Variants in STK32B observed in about 807,000 individuals in gnomAD.
The protein encoded by STK32B is serine/threonine kinase 32B.
A neutral mutation model predicts 52.6 loss-of-function variants in STK32B; 43 were observed. The observed-to-expected ratio is 0.82, with a 90% CI of 0.64 to 1.05. The LOEUF (loss-of-function observed/expected upper bound fraction) is 1.05. Among genes scored for constraint, STK32B ranks in the 50% least tolerant of loss-of-function variants. The probability of loss-of-function intolerance (pLI) is 0.00; values close to 1 mark genes in which losing one functional copy is unlikely to be tolerated. For synonymous variants in STK32B, 238 were observed against 204.3 expected (o/e 1.17, Z -1.41); for missense variants, 621 against 534.6 (o/e 1.16, Z -1.59).
chr4:5,088,799 G>A (rs1007849705), intron 1 of STK32B, among the ~76,000 whole-genome samples: 1 of 151,858 alleles, frequency 6.6e-6, no homozygotes, highest in Non-Finnish European at 1.5e-5. Flanking sequence ...TGAAAGCAGT[G>A]CTCAGAGGGA....
At chr4:5,069,670 T>C (rs1711629985) in intron 1 of STK32B, among the ~76,000 whole-genome samples, 1 of 152,178 alleles carries the variant, frequency 6.6e-6, no homozygotes, top group South Asian at 2.1e-4. Flanking sequence ...CTTCATACAT[T>C]GATGTCAGTA....
At chr4:5,173,086 T>C (rs1387663482) in intron 3 of STK32B, among the ~76,000 whole-genome samples, 2 of 152,322 alleles carry the variant, frequency 1.3e-5, no homozygotes, top group African/African-American at 4.8e-5. Flanking sequence ...GATTTTCTAG[T>C]TTATTTGCGT....
intron 3 of STK32B, among the ~76,000 whole-genome samples, chr4:5,300,255 C>G (rs772642998): frequency 1.3e-5 from 2 of 152,096 alleles, no homozygotes; most frequent in Admixed American, 6.6e-5. Flanking sequence ...AAACCCTCAA[C>G]TAACTAGCCA....
At chr4:5,121,443 A>G (rs1715019068) in intron 1 of STK32B, among the ~76,000 whole-genome samples, 1 of 152,184 alleles carries the variant, frequency 6.6e-6, no homozygotes, top group Non-Finnish European at 1.5e-5. Context: ...TCTTCTATTA[A>G]GGATTAGGGA....
At chr4:5,313,085 G>T (rs1318814391) in intron 3 of STK32B, among the ~76,000 whole-genome samples, 1 of 148,730 alleles carries the variant, frequency 6.7e-6, no homozygotes, top group Non-Finnish European at 1.5e-5. Flanking sequence ...AATATTATTA[G>T]GTTGGAGCAA....
rs145663760 is a variant in STK32B, at chr4:5,425,575, T to A, written c.562+8641T>A. ...TAAAACATAAGTATTCCTACCCTCA[T>A]TGGTTTGGCTGTTTGTGAGGGAGAC... On this transcript the variant is annotated intron_variant, in intron 6 of 11. Coordinates refer to ENST00000282908, the MANE Select transcript of STK32B (RefSeq NM_018401.3). Among the ~76,000 whole-genome samples the A allele has an allele frequency of 2.7e-4, 40 of 149,544 alleles. No homozygotes were observed. In the East Asian group the frequency reaches 8.2e-3, roughly 31 times the overall value.
chr4:5,230,802 A>G (rs1015336629), intron 3 of STK32B, among the ~76,000 whole-genome samples: 11 of 152,218 alleles, frequency 7.2e-5, no homozygotes, highest in Admixed American at 3.3e-4. Flanking sequence ...CAGAGGGGAG[A>G]TGAATCCACA....
At chr4:5,175,082 G>A (rs148377311) in intron 3 of STK32B, among the ~76,000 whole-genome samples, 5,046 of 151,956 alleles carry the variant, frequency 0.033, 107 homozygotes, top group Admixed American at 0.049. Context: ...CTTTCTTCCC[G>A]TTGATTGCAA....
chr4:5,267,797 G>A lies in STK32B; in HGVS notation c.261-63423G>A, dbSNP rs1036680251. Reference sequence around the variant, plus strand: ...AAATGGCAACCCACTCTAAAGAGACGCTGCTTGTACCATATTTTCTAATGA... The same window carrying A: ...AAATGGCAACCCACTCTAAAGAGACACTGCTTGTACCATATTTTCTAATGA... On this transcript the variant is annotated intron_variant, in intron 3 of 11. Transcript: ENST00000282908. 5.3e-5 allele frequency among the ~76,000 whole-genome samples: 8 copies of A among 152,142 alleles called. 1 individual carries two copies. Among genetic ancestry groups the A allele is most frequent in the African/African-American group, 1.9e-4 (8 of 41,424 alleles).
intron 1 of STK32B, among the ~76,000 whole-genome samples, chr4:5,127,927 A>C (rs891425639): frequency 6.6e-6 from 1 of 152,170 alleles, no homozygotes; most frequent in African/African-American, 2.4e-5. Flanking sequence ...GTTCCCCTAC[A>C]CGAGCTCTCT....
At chr4:5,426,431 G>A (rs926741525) in intron 6 of STK32B, among the ~76,000 whole-genome samples, 34 of 152,098 alleles carry the variant, frequency 2.2e-4, no homozygotes, top group African/African-American at 8.2e-4. Context: ...TTGGCCGGGT[G>A]TGGTGGCTCA....
intron 2 of STK32B, among the ~76,000 whole-genome samples, chr4:5,162,043 C>T (rs190774687): frequency 1.3e-5 from 2 of 152,214 alleles, no homozygotes; most frequent in East Asian, 1.9e-4. Flanking sequence ...AGAGTCAGAC[C>T]CGCAGCTGCC....
chr4:5,358,521 C>T (rs1204119591), intron 4 of STK32B, among the ~76,000 whole-genome samples: 1 of 151,914 alleles, frequency 6.6e-6, no homozygotes, highest in East Asian at 1.9e-4. Flanking sequence ...ACTCAATACA[C>T]AATAATGGGA....
intron 11 of STK32B, among the ~76,000 whole-genome samples, chr4:5,471,701 C>T (rs1179345722): frequency 1.3e-5 from 2 of 152,102 alleles, no homozygotes; most frequent in Admixed American, 6.5e-5. Flanking sequence ...ATATGTCCCA[C>T]AAGCGATTCT....
At chr4:5,317,279 C>CATATATATAATATATAAT (rs1228304659) in intron 3 of STK32B, among the ~76,000 whole-genome samples, 2 of 16,434 alleles carry the variant, frequency 1.2e-4, no homozygotes, top group Non-Finnish European at 1.7e-4. Context: ...TAATATATAA[C>CATATATATAATATATAAT]ATATAACATA....
intron 3 of STK32B, among the ~76,000 whole-genome samples, chr4:5,185,726 G>A (rs959830925): frequency 6.6e-6 from 1 of 152,120 alleles, no homozygotes; most frequent in Non-Finnish European, 1.5e-5. Context: ...CATCACCCAC[G>A]TGCCCTTCAC....
At chr4:5,319,349 C>G (rs764404396) in intron 3 of STK32B, among the ~76,000 whole-genome samples, 1 of 152,282 alleles carries the variant, frequency 6.6e-6, no homozygotes, top group Admixed American at 6.5e-5. Flanking sequence ...AATATTGCCT[C>G]AACTGCTCTC....
chr4:5,318,670 C>A (rs1401410927), intron 3 of STK32B, among the ~76,000 whole-genome samples: 1 of 152,070 alleles, frequency 6.6e-6, no homozygotes, highest in South Asian at 2.1e-4. Flanking sequence ...AAAAGGTACA[C>A]AGGTATGAGA....
In STK32B at chr4:5,168,330, A is replaced by C. The variant is rs1174000021; in HGVS notation, c.140A>C (p.Lys47Thr). Residue 47 changes from lysine to threonine, a missense_variant, in exon 3 of 12, where the codon AAA becomes ACA. Physicochemically the swap from Lys to Thr is moderately conservative, Grantham distance 78. Transcript: ENST00000282908. ...ATCGTGCAGAAGCGAGACACTAAGA[A>C]AATGTATGCAATGAAGTACATGAAC... ...VCIVQKRDTKKMYAMKYMNKQ... is the reference protein window; with the variant it reads ...VCIVQKRDTKTMYAMKYMNKQ... 6.2e-7 allele frequency: 1 copy of C among 1,613,964 alleles called. No homozygotes were observed. Among genetic ancestry groups the C allele is most frequent in the South Asian group, 1.1e-5 (1 of 91,054 alleles).
Sources: gnomAD v4.1 joint callset for allele counts (sites outside exome capture counted in the v4.1 genomes callset) on GRCh38, gnomAD v4.1.1 for gene constraint, MANE v1.5 for transcripts, NCBI Gene and HGNC (gene_info 2026-07-23, HGNC 2026-07-21) for gene names.